The following BET1 variants were observed in gnomAD, a reference collection of about 807,000 sequenced individuals.
BET1 encodes the protein BET1 homolog.
Under a neutral mutation model 13.9 loss-of-function variants are expected in BET1, and 9 were observed. The observed-to-expected ratio is 0.65, with a 90% CI of 0.39 to 1.13. The LOEUF is 1.13. Ranked by LOEUF, BET1 falls within the 50% of genes most tolerant of loss-of-function variation. BET1 has a pLI of 0.01. For synonymous variants in BET1, 39 were observed against 47.3 expected (o/e 0.82, Z 0.72); for missense variants, 127 against 133.6 (o/e 0.95, Z 0.24).
chr7:93,986,131 C>T (rs1167633060), intron 4 of BET1, among the ~76,000 whole-genome samples: 1 of 152,156 alleles, frequency 6.6e-6, no homozygotes, highest in Non-Finnish European at 1.5e-5. Context: ...GTTATTCGAC[C>T]TATGTGCATC....
chr7:93,993,665 T>G lies in BET1; in HGVS notation c.*565A>C, dbSNP rs1191526720. ...AGTTTTATTTAAAGAATGAGGTCTT[T>G]GGGCAGAAAGAAATGAGGGGTCATT... On this transcript the variant is annotated 3_prime_UTR_variant, in exon 4 of 4. Transcript: ENST00000222547. 3.2e-5 allele frequency: 42 copies of G among 1,319,110 alleles called. No homozygotes were observed. Among genetic ancestry groups the G allele is most frequent in the Non-Finnish European group, 3.9e-5 (41 of 1,040,210 alleles). The allele number at this position is 1,319,110 out of a possible 1,614,324, so 81.7% of individuals were successfully genotyped here.
intron 4 of BET1, among the ~76,000 whole-genome samples, chr7:93,978,120 G>A (rs1024878082): frequency 6.6e-6 from 1 of 151,652 alleles, no homozygotes; most frequent in African/African-American, 2.4e-5. Flanking sequence ...TGCCCAGGTT[G>A]GAGTGCAGTG....
chr7:94,001,119 A>G (rs1056222379), intron 1 of BET1, among the ~76,000 whole-genome samples: 1 of 152,200 alleles, frequency 6.6e-6, no homozygotes, highest in Non-Finnish European at 1.5e-5. Flanking sequence ...CATTTTCCCT[A>G]TGAAGCAAAA....
rs375393602 is a variant in BET1, at chr7:94,004,244, G to T, written c.-28C>A. 4 of 1,613,980 alleles carry T rather than the reference G, an allele frequency of 2.5e-6. No homozygotes were observed. The highest frequency in any genetic ancestry group is 3.4e-6 in the Non-Finnish European group (4 of 1,180,006). On this transcript the variant is annotated 5_prime_UTR_variant, in exon 1 of 4. Coordinates refer to ENST00000222547, the MANE Select transcript of BET1 (RefSeq NM_005868.6). ...TGCCAGAGGAGAGAGAGAAAAGGCGGGTGCGGGGCTTTGGGTGAGTAGGAA... is the reference window on the plus strand; with the variant it reads ...TGCCAGAGGAGAGAGAGAAAAGGCGTGTGCGGGGCTTTGGGTGAGTAGGAA...
downstream of BET1, chr7:93,992,088 C>T (rs548653071): frequency 2.7e-5 from 27 of 985,264 alleles, 1 homozygote; most frequent in South Asian, 7.1e-4. Context: ...AGCGACATGC[C>T]AGTGTGTCCA....
At chr7:93,965,570 C>T (rs1206673057) in exon 7 of BET1, 2 of 151,740 alleles carry the variant, frequency 1.3e-5, no homozygotes, top group Non-Finnish European at 2.9e-5. Flanking sequence ...CAGTTTGTAC[C>T]CAAAGCAAGC....
intron 4 of BET1, among the ~76,000 whole-genome samples, chr7:93,985,403 T>C (rs1382398118): frequency 6.6e-6 from 1 of 152,180 alleles, no homozygotes; most frequent in Non-Finnish European, 1.5e-5. Flanking sequence ...AAGGATATTA[T>C]GCAGGTTAAA....
intron 6 of BET1, among the ~76,000 whole-genome samples, chr7:93,968,695 C>T (rs1489508526): frequency 1.3e-5 from 2 of 151,662 alleles, no homozygotes; most frequent in African/African-American, 2.4e-5. Context: ...GAATCTAAAG[C>T]CCACATGCTT....
At chr7:93,987,511 T>A (rs1437625606) in intron 4 of BET1, among the ~76,000 whole-genome samples, 1 of 152,076 alleles carries the variant, frequency 6.6e-6, no homozygotes, top group Non-Finnish European at 1.5e-5. Context: ...TGTGGCTGGG[T>A]CATAGATTAT....
chr7:94,000,061 G>A lies in BET1; in HGVS notation c.20-767C>T, dbSNP rs535353920. On this transcript the variant is annotated intron_variant, in intron 1 of 3. Coordinates refer to ENST00000222547, the MANE Select transcript of BET1 (RefSeq NM_005868.6). ...AGTGAATACATATATAAATATGTTG[G>A]GCGATTAACAGGAAACGGCATAGTT... is the stretch of plus-strand genomic sequence containing the variant. 1.8e-4 allele frequency among the ~76,000 whole-genome samples: 28 copies of A among 151,806 alleles called. 1 individual carries two copies. The highest frequency in any genetic ancestry group is 1.7e-3 in the Admixed American group (26 of 15,246).
chr7:93,979,283 A>C lies in BET1; in HGVS notation c.236-3183T>G, dbSNP rs550986074. ...TACATAAAAATAACCAATGTCTAAC[A>C]CACAGGCCTAGCTGTGCCACTGTTC... On this transcript the variant is annotated intron_variant and NMD_transcript_variant, in intron 4 of 6. Transcript: ENST00000357520. 1.6e-4 allele frequency among the ~76,000 whole-genome samples: 25 copies of C among 152,278 alleles called. No homozygotes were observed. In the South Asian group the frequency reaches 5.2e-3, roughly 32 times the overall value.
chr7:93,999,987 T>C (rs1041276747), intron 1 of BET1, among the ~76,000 whole-genome samples: 2 of 152,174 alleles, frequency 1.3e-5, no homozygotes, highest in Admixed American at 1.3e-4. Context: ...CTGCCTAATA[T>C]AGTACTTCAT....
At chr7:93,975,111 A>G (rs1363272847) in intron 5 of BET1, among the ~76,000 whole-genome samples, 1 of 152,064 alleles carries the variant, frequency 6.6e-6, no homozygotes, top group African/African-American at 2.4e-5. Context: ...CTGATGTAAC[A>G]GATCAGAGGA....
At chr7:93,985,064 C>G (rs7806086) in intron 4 of BET1, among the ~76,000 whole-genome samples, 9,346 of 152,136 alleles carry the variant, frequency 0.061, 614 homozygotes, top group East Asian at 0.29. Flanking sequence ...CCTAGCAAAA[C>G]AGTCTTACTA....
chr7:93,984,956 G>C (rs551439834), intron 4 of BET1, among the ~76,000 whole-genome samples: 1 of 152,140 alleles, frequency 6.6e-6, no homozygotes, highest in African/African-American at 2.4e-5. Context: ...AAATTCAGAA[G>C]CTAGGAGATT....
Position 93,964,516 on chromosome 7 carries a change from T to C in BET1, c.*1309A>G, listed in dbSNP as rs1209853701. 7.2e-5 allele frequency: 11 copies of C among 152,224 alleles called. No homozygotes were observed. In the East Asian group the frequency reaches 1.9e-3, roughly 27 times the overall value. 9.4% of individuals were successfully genotyped at this position (152,224 alleles called of 1,614,324 possible). ...ACATTTTCTTTATCCAGTCCACTGT[T>C]GAAGGGCACCCCAGTTGATTCCATG... On this transcript the variant is annotated 3_prime_UTR_variant and NMD_transcript_variant, in exon 7 of 7. Transcript: ENST00000357520.
chr7:93,980,936 A>AAG (rs1795417688), intron 4 of BET1, among the ~76,000 whole-genome samples: 1 of 152,158 alleles, frequency 6.6e-6, no homozygotes, highest in South Asian at 2.1e-4. Context: ...GAAAGTACAC[A>AAG]AGAGTTCAAG....
exon 7 of BET1, chr7:93,965,429 A>G (rs1477448635): frequency 1.3e-5 from 2 of 152,126 alleles, no homozygotes; most frequent in African/African-American, 2.4e-5. Flanking sequence ...ATAATGATGT[A>G]TAATATCATA....
exon 7 of BET1, chr7:93,964,437 A>C (rs1222157111): frequency 6.6e-6 from 1 of 152,064 alleles, no homozygotes; most frequent in Non-Finnish European, 1.5e-5. Flanking sequence ...GCTGCAAAGG[A>C]TATGATTTCA....
Sources: allele counts gnomAD v4.1 joint callset (sites outside exome capture counted in the v4.1 genomes callset), GRCh38; gene constraint gnomAD v4.1.1; transcripts MANE v1.5; gene names NCBI Gene and HGNC (gene_info 2026-07-23, HGNC 2026-07-21).